Variants in FLT3 observed in about 807,000 individuals in gnomAD.
The protein encoded by FLT3 is fms related receptor tyrosine kinase 3.
FLT3 carries 46 observed loss-of-function variants against 126.6 expected under a neutral mutation model. That is an observed-to-expected ratio of 0.36 (90% CI 0.29 to 0.46). The LOEUF is 0.46. Among genes scored for constraint, FLT3 ranks in the 20% least tolerant of loss-of-function variants. The probability of loss-of-function intolerance (pLI) is 1.00; values close to 1 mark genes in which losing one functional copy is unlikely to be tolerated. For synonymous variants in FLT3, 404 were observed against 434.4 expected (o/e 0.93, Z 0.87); for missense variants, 1,069 against 1,190.3 (o/e 0.90, Z 1.50).
chr13:28,013,188 G>A (rs559548616), intron 23 of FLT3, among the ~76,000 whole-genome samples: 17 of 152,132 alleles, frequency 1.1e-4, no homozygotes, highest in Non-Finnish European at 2.2e-4. Flanking sequence ...CAGTAGGAAA[G>A]TACACACTAT....
chr13:28,038,410 T>A (rs1276086308), intron 9 of FLT3, among the ~76,000 whole-genome samples: 1 of 151,642 alleles, frequency 6.6e-6, no homozygotes, highest in Non-Finnish European at 1.5e-5. Flanking sequence ...CTAAGGCTTG[T>A]ACCGAAGATA....
chr13:28,029,249 G>A (rs563423423), intron 15 of FLT3, among the ~76,000 whole-genome samples: 6 of 152,236 alleles, frequency 3.9e-5, no homozygotes, highest in South Asian at 4.2e-4. Flanking sequence ...AAAATTAGCC[G>A]GGCGTGCCGG....
rs1876617733 is a variant in FLT3, at chr13:28,062,048, G to A, written c.187C>T (p.Leu63Phe). ...CTCTGGGGTCTCAACGCACACCCGAGGTCTTCCGGGGATTCTGATACCTAC... is the reference window on the plus strand; with the variant it reads ...CTCTGGGGTCTCAACGCACACCCGAAGTCTTCCGGGGATTCTGATACCTAC... ...YPMVSESPED[L>F]GCALRPQSSG... The change falls in exon 3 of 24, where the codon CTC becomes TTC. Residue 63 changes from leucine (L) to phenylalanine (F), a missense_variant. Physicochemically the swap from Leu to Phe is conservative, Grantham distance 22 (BLOSUM62 0). Transcript: ENST00000241453. 6.2e-7 allele frequency: 1 copy of A among 1,612,198 alleles called. No individual in the cohort carries two copies. Among genetic ancestry groups the A allele is most frequent in the Non-Finnish European group, 8.5e-7 (1 of 1,179,908 alleles).
intron 2 of FLT3, among the ~76,000 whole-genome samples, chr13:28,069,972 A>G (rs1035513726): frequency 2.6e-5 from 4 of 152,200 alleles, no homozygotes; most frequent in African/African-American, 7.2e-5. Flanking sequence ...AAAATTAGCC[A>G]GGTGTGGTGG....
intron 19 of FLT3, among the ~76,000 whole-genome samples, chr13:28,022,048 A>G (rs997383064): frequency 1.3e-5 from 2 of 148,984 alleles, no homozygotes; most frequent in Admixed American, 6.7e-5. Flanking sequence ...CCTATTTTTT[A>G]TTTTTTAGAG....
chr13:28,075,541 A>T, intron 1 of FLT3, among the ~76,000 whole-genome samples: 1 of 152,090 alleles, frequency 6.6e-6, no homozygotes, highest in East Asian at 1.9e-4. Flanking sequence ...CCTGGCCAAC[A>T]TGGTGAAACC....
rs1870662587 is a variant in FLT3, at chr13:28,004,050, C to T, written c.*2G>A. On this transcript the variant is annotated 3_prime_UTR_variant, in exon 24 of 24. Coordinates refer to ENST00000241453, the MANE Select transcript of FLT3 (RefSeq NM_004119.3). Reference sequence around the variant, plus strand: ...TGAAGTCCTTAAAACTAAATTGTTCCTCTACGAATCTTCGACCTGAGCCTG... The same window carrying T: ...TGAAGTCCTTAAAACTAAATTGTTCTTCTACGAATCTTCGACCTGAGCCTG... The T allele has an allele frequency of 6.2e-7, 1 of 1,613,950 alleles. No homozygotes were observed. The highest frequency in any genetic ancestry group is 8.5e-7 in the Non-Finnish European group (1 of 1,180,020).
At chr13:28,088,394 T>C (rs1302115181) in intron 1 of FLT3, among the ~76,000 whole-genome samples, 1 of 151,726 alleles carries the variant, frequency 6.6e-6, no homozygotes, top group African/African-American at 2.4e-5. Flanking sequence ...TTCAGGTGAT[T>C]CTCACACCTC....
In FLT3 at chr13:28,070,573, TG is replaced by T. The variant is rs1375699564; in HGVS notation, c.82del (p.Gln28LysfsTer5). ...AACACACTTGATCACAGGCAGATCT[TG>T]ATTTGTAATAGTCCCAAATATCATT... is the stretch of plus-strand genomic sequence containing the variant. ...SAMIFGTITN[Q>X]DLPVIKCVLI... On this transcript the variant is annotated frameshift_variant, in exon 2 of 24. Coordinates refer to ENST00000241453, the MANE Select transcript of FLT3 (RefSeq NM_004119.3). LOFTEE classifies it high-confidence loss of function. 1 of 1,604,326 alleles carries T rather than the reference TG, an allele frequency of 6.2e-7. No individual in the cohort carries two copies. Among genetic ancestry groups the T allele is most frequent in the African/African-American group, 1.3e-5 (1 of 74,712 alleles).
intron 3 of FLT3, among the ~76,000 whole-genome samples, chr13:28,061,578 C>T (rs1387986737): frequency 6.6e-6 from 1 of 151,656 alleles, no homozygotes; most frequent in Non-Finnish European, 1.5e-5. Context: ...CCAGCCTTGG[C>T]AACATGGTGA....
At chr13:28,072,266 T>C (rs1877584297) in intron 1 of FLT3, among the ~76,000 whole-genome samples, 1 of 151,894 alleles carries the variant, frequency 6.6e-6, no homozygotes, top group Non-Finnish European at 1.5e-5. Context: ...TATACACATA[T>C]ACATACACAC....
In FLT3 at chr13:28,034,070, T is replaced by C. The variant is rs1466153964; in HGVS notation, c.1837+12A>G. On this transcript the variant is annotated intron_variant, in intron 14 of 23. Transcript: ENST00000241453. ...AAATGCTGCAGAAACATTTGGCACA[T>C]TCCATTCTTACCAAACTCTAAATTT... The C allele has an allele frequency of 1.2e-6, 2 of 1,613,722 alleles. No homozygotes were observed. Among genetic ancestry groups the C allele is most frequent in the Non-Finnish European group, 1.7e-6 (2 of 1,179,922 alleles).
chr13:28,070,892 G>A (rs1479756767), intron 1 of FLT3, among the ~76,000 whole-genome samples: 1 of 151,226 alleles, frequency 6.6e-6, no homozygotes, highest in African/African-American at 2.4e-5. Flanking sequence ...TGGCTCTTAA[G>A]CTTTTGAAAT....
At chr13:28,011,455 A>G (rs1871353958) in intron 23 of FLT3, among the ~76,000 whole-genome samples, 1 of 152,116 alleles carries the variant, frequency 6.6e-6, no homozygotes, top group African/African-American at 2.4e-5. Context: ...GGGACTAGAT[A>G]GGATTCTGCA....
chr13:28,066,518 T>C (rs991464592), intron 2 of FLT3, among the ~76,000 whole-genome samples: 2 of 152,124 alleles, frequency 1.3e-5, no homozygotes, highest in Non-Finnish European at 2.9e-5. Flanking sequence ...TGAGGAGATG[T>C]TGAAAGGACA....
At chr13:28,067,723 A>G (rs1457236959) in intron 2 of FLT3, 2 of 158,940 alleles carry the variant, frequency 1.3e-5, no homozygotes, top group African/African-American at 4.8e-5. Flanking sequence ...TGCTTACGTA[A>G]GTAAAACAGC....
chr13:28,044,946 T>C (rs1413984374), intron 9 of FLT3, among the ~76,000 whole-genome samples: 1 of 152,208 alleles, frequency 6.6e-6, no homozygotes, highest in Non-Finnish European at 1.5e-5. Flanking sequence ...TAGAGAAATA[T>C]GGCAGCATAC....
At chr13:28,094,931 G>A (rs1879361612) in intron 1 of FLT3, among the ~76,000 whole-genome samples, 1 of 152,134 alleles carries the variant, frequency 6.6e-6, no homozygotes, top group Non-Finnish European at 1.5e-5. Flanking sequence ...TGATAATGCA[G>A]CCATAGAAAG....
chr13:28,064,613 A>G (rs59332776), intron 2 of FLT3, among the ~76,000 whole-genome samples: 3,183 of 152,268 alleles, frequency 0.021, 97 homozygotes, highest in African/African-American at 0.071. Context: ...ATATGAGAAA[A>G]TATTAAACCT....
Sources: gnomAD v4.1 joint callset for allele counts (sites outside exome capture counted in the v4.1 genomes callset) on GRCh38, gnomAD v4.1.1 for gene constraint, MANE v1.5 for transcripts, NCBI Gene and HGNC (gene_info 2026-07-23, HGNC 2026-07-21) for gene names.